The following SLC25A26 variants were observed in gnomAD, a reference collection of about 807,000 sequenced individuals.
SLC25A26 encodes the protein mitochondrial S-adenosylmethionine carrier protein.
In SLC25A26, 36 loss-of-function variants were observed where a neutral mutation model predicts 37.8. The observed-to-expected ratio is 0.95, with a 90% CI of 0.73 to 1.26. The LOEUF is 1.26. SLC25A26 is among the 50% of genes most tolerant of loss of function. The pLI is 0.00. For missense variants in SLC25A26, 390 were observed against 331.1 expected (o/e 1.18, Z -1.38); for synonymous variants, 129 against 122.5 (o/e 1.05, Z -0.35).
intron 1 of SLC25A26, among the ~76,000 whole-genome samples, chr3:66,134,578 AT>A (rs1434155496): frequency 6.6e-6 from 1 of 152,228 alleles, no homozygotes; most frequent in African/African-American, 2.4e-5. Flanking sequence ...AGTTACCTTA[AT>A]TGCTTAGAGA....
At chr3:66,258,437 A>G (rs972559505) in intron 3 of SLC25A26, among the ~76,000 whole-genome samples, 8 of 152,136 alleles carry the variant, frequency 5.3e-5, no homozygotes, top group Non-Finnish European at 8.8e-5. Context: ...TCACCAAATA[A>G]CTTAAGTGAC....
At chr3:66,333,877 G>C (rs913631715) in intron 5 of SLC25A26, among the ~76,000 whole-genome samples, 1 of 152,106 alleles carries the variant, frequency 6.6e-6, no homozygotes, top group African/African-American at 2.4e-5. Context: ...TCCCTCCTCT[G>C]TATTACAGAG....
At chr3:66,364,564 G>T (rs1278598198) in intron 7 of SLC25A26, among the ~76,000 whole-genome samples, 1 of 152,140 alleles carries the variant, frequency 6.6e-6, no homozygotes, top group Non-Finnish European at 1.5e-5. Context: ...CTGAGTGCCA[G>T]TTTCCTTACC....
At chr3:66,194,369 T>G in intron 1 of SLC25A26, among the ~76,000 whole-genome samples, 1 of 152,198 alleles carries the variant, frequency 6.6e-6, no homozygotes. Flanking sequence ...GAATTCCCAT[T>G]TATCTCTCCA....
intron 1 of SLC25A26, among the ~76,000 whole-genome samples, chr3:66,172,652 AG>A (rs1422130404): frequency 1.3e-5 from 2 of 152,086 alleles, no homozygotes; most frequent in African/African-American, 4.8e-5. Context: ...AAGTGTCACC[AG>A]GGTTGGTTTC....
At chr3:66,345,446 T>A (rs1162524784) in intron 5 of SLC25A26, among the ~76,000 whole-genome samples, 1 of 151,568 alleles carries the variant, frequency 6.6e-6, no homozygotes, top group Non-Finnish European at 1.5e-5. Flanking sequence ...TTTCTCCCTC[T>A]CCTTTCCTTC....
intron 1 of SLC25A26, among the ~76,000 whole-genome samples, chr3:66,134,360 C>T (rs942606422): frequency 6.6e-6 from 1 of 152,174 alleles, no homozygotes; most frequent in African/African-American, 2.4e-5. Flanking sequence ...GCTGGGTTCA[C>T]TAAGTTTATC....
chr3:66,298,078 C>T (rs941280755), intron 5 of SLC25A26, among the ~76,000 whole-genome samples: 2 of 152,154 alleles, frequency 1.3e-5, no homozygotes, highest in Admixed American at 6.5e-5. Flanking sequence ...ATCTAAGTCC[C>T]CACTTGAGAT....
rs558994228 is a variant in SLC25A26, at chr3:66,176,297, C to A, written c.-354+42313C>A. ...AAAAAAATATTCTGGTGTCTTCCATCGAAACTAAGAAAGTGTTGAGATGTT... is the reference window on the plus strand; with the variant it reads ...AAAAAAATATTCTGGTGTCTTCCATAGAAACTAAGAAAGTGTTGAGATGTT... On this transcript the variant is annotated intron_variant, in intron 1 of 10. Coordinates refer to the SLC25A26 transcript ENST00000676754. Among the ~76,000 whole-genome samples the A allele has an allele frequency of 2.0e-5, 3 of 152,162 alleles. No homozygotes were observed. The East Asian group carries it at 5.8e-4, about 29-fold the overall frequency.
chr3:66,264,431 G>A (rs1323684474), intron 5 of SLC25A26, among the ~76,000 whole-genome samples: 1 of 152,190 alleles, frequency 6.6e-6, no homozygotes, highest in Non-Finnish European at 1.5e-5. Flanking sequence ...CCTGGTACTA[G>A]TCTGTGGCCT....
At chr3:66,272,225 G>C (rs1305425648) in intron 5 of SLC25A26, among the ~76,000 whole-genome samples, 2 of 152,130 alleles carry the variant, frequency 1.3e-5, no homozygotes, top group Non-Finnish European at 2.9e-5. Context: ...AGCTTGGTAA[G>C]TTTGTGGTTG....
chr3:66,134,645 G>A (rs1457398871), intron 1 of SLC25A26, among the ~76,000 whole-genome samples: 2 of 152,112 alleles, frequency 1.3e-5, no homozygotes, highest in South Asian at 2.1e-4. Flanking sequence ...TATTGAAATA[G>A]CGTTTAAGGA....
At chr3:66,346,869 C>G (rs77761022) in intron 6 of SLC25A26, among the ~76,000 whole-genome samples, 7,290 of 151,982 alleles carry the variant, frequency 0.048, 235 homozygotes, top group South Asian at 0.075. Flanking sequence ...TGTGTAAGGA[C>G]CACTTGGATG....
intron 5 of SLC25A26, among the ~76,000 whole-genome samples, chr3:66,335,019 G>C (rs763338871): frequency 6.6e-6 from 1 of 152,176 alleles, no homozygotes; most frequent in Non-Finnish European, 1.5e-5. Flanking sequence ...TAAATGAACT[G>C]TTGTAATTGG....
At chr3:66,271,629 AG>A (rs2073961584) in intron 5 of SLC25A26, among the ~76,000 whole-genome samples, 2 of 152,280 alleles carry the variant, frequency 1.3e-5, no homozygotes, top group Non-Finnish European at 1.5e-5. Flanking sequence ...AGATGAAGTC[AG>A]GCAAAGGGTG....
intron 1 of SLC25A26, among the ~76,000 whole-genome samples, chr3:66,141,219 T>C (rs976654202): frequency 2.0e-5 from 3 of 151,330 alleles, no homozygotes; most frequent in African/African-American, 7.3e-5. Context: ...GATCTCTCTG[T>C]ATAATTCTTT....
intron 5 of SLC25A26, among the ~76,000 whole-genome samples, chr3:66,296,744 A>T (rs982712450): frequency 6.6e-6 from 1 of 152,368 alleles, no homozygotes; most frequent in South Asian, 2.1e-4. Context: ...CTTAAGTTTC[A>T]TAGTTTACTA....
intron 1 of SLC25A26, among the ~76,000 whole-genome samples, chr3:66,226,079 C>G (rs782320823): frequency 6.6e-6 from 1 of 152,132 alleles, no homozygotes; most frequent in African/African-American, 2.4e-5. Flanking sequence ...ATAGTAGCAC[C>G]CTACTGTGGG....
chr3:66,284,422 T>C (rs1002773821), intron 5 of SLC25A26, among the ~76,000 whole-genome samples: 2 of 152,192 alleles, frequency 1.3e-5, no homozygotes, highest in Non-Finnish European at 2.9e-5. Flanking sequence ...TAGTTTCATA[T>C]GATACAGTAA....
Sources: allele counts gnomAD v4.1 joint callset (sites outside exome capture counted in the v4.1 genomes callset), GRCh38; gene constraint gnomAD v4.1.1; transcripts MANE v1.5; gene names NCBI Gene and HGNC (gene_info 2026-07-23, HGNC 2026-07-21).